Variants in ADGRA3 observed in about 807,000 individuals in gnomAD.
ADGRA3 encodes the protein adhesion G protein-coupled receptor A3, also known as G-protein coupled receptor 125.
ADGRA3 carries 56 observed loss-of-function variants against 119.8 expected under a neutral mutation model. The observed-to-expected ratio is 0.47, with a 90% CI of 0.38 to 0.58. The LOEUF is 0.58. Among genes scored for constraint, ADGRA3 ranks in the 20% least tolerant of loss-of-function variants. The probability of loss-of-function intolerance (pLI) is 0.00; values close to 1 mark genes in which losing one functional copy is unlikely to be tolerated. For missense variants in ADGRA3, 1,516 were observed against 1,649.0 expected (o/e 0.92, Z 1.40); for synonymous variants, 607 against 623.8 (o/e 0.97, Z 0.40).
chr4:22,428,985 CAAG>C (rs1367738246), intron 10 of ADGRA3, among the ~76,000 whole-genome samples: 3 of 151,994 alleles, frequency 2.0e-5, no homozygotes, highest in African/African-American at 7.3e-5. Context: ...GAAAAGAGGT[CAAG>C]AAGATTATTG....
At chr4:22,490,815 C>G (rs1489943989) in intron 1 of ADGRA3, among the ~76,000 whole-genome samples, 1 of 152,194 alleles carries the variant, frequency 6.6e-6, no homozygotes, top group African/African-American at 2.4e-5. Flanking sequence ...TATTTGTTTT[C>G]TATTGCTGTG....
chr4:22,439,959 C>T (rs1297797689), intron 7 of ADGRA3, among the ~76,000 whole-genome samples: 5 of 152,110 alleles, frequency 3.3e-5, no homozygotes, highest in Non-Finnish European at 7.4e-5. Context: ...AAAAAAGTAA[C>T]ACACATAAAT....
chr4:22,420,987 C>A lies in ADGRA3; in HGVS notation c.1708G>T (p.Gly570Ter). ...TCCCGCCTCCCATAATCCGAAAGTC[C>A]TGTACGATCAGAGGCTGCCACTTTC... ...FQKVAASDRT[G>*]LSDYGRRDPE... Residue 570 changes from glycine to a stop codon, truncating the protein, a stop_gained, in exon 12 of 19, where the codon GGA becomes TGA. Coordinates refer to ENST00000334304, the MANE Select transcript of ADGRA3 (RefSeq NM_145290.4). LOFTEE classifies it high-confidence loss of function. The A allele has an allele frequency of 6.2e-7, 1 of 1,614,084 alleles. No homozygotes were observed. Among genetic ancestry groups the A allele is most frequent in the Non-Finnish European group, 8.5e-7 (1 of 1,179,996 alleles).
intron 1 of ADGRA3, chr4:22,514,488 G>C (rs1719568062): frequency 6.6e-6 from 1 of 152,138 alleles, no homozygotes; most frequent in African/African-American, 2.4e-5. Context: ...TGCTGAATTT[G>C]GGTTACATTT....
At chr4:22,409,832 C>T (rs368754025) in intron 14 of ADGRA3, among the ~76,000 whole-genome samples, 11 of 152,106 alleles carry the variant, frequency 7.2e-5, no homozygotes, top group Admixed American at 5.2e-4. Flanking sequence ...TCCATAAACA[C>T]GAGGGTCTCC....
chr4:22,511,189 T>C (rs1232545303), intron 1 of ADGRA3, among the ~76,000 whole-genome samples: 1 of 152,248 alleles, frequency 6.6e-6, no homozygotes, highest in Non-Finnish European at 1.5e-5. Context: ...AGTGATAAAT[T>C]TGTAAAACTT....
At chr4:22,507,918 G>C (rs1719301567) in intron 1 of ADGRA3, among the ~76,000 whole-genome samples, 1 of 152,124 alleles carries the variant, frequency 6.6e-6, no homozygotes, top group Non-Finnish European at 1.5e-5. Context: ...CCACAGCTAT[G>C]AACCTAATAA....
chr4:22,448,685 T>C (rs74768909), intron 4 of ADGRA3, among the ~76,000 whole-genome samples: 5,280 of 152,236 alleles, frequency 0.035, 144 homozygotes, highest in Middle Eastern at 0.054. Context: ...AGACCTGATA[T>C]CACACAATGG....
chr4:22,449,178 G>T (rs1037626953), intron 4 of ADGRA3, among the ~76,000 whole-genome samples: 1 of 151,658 alleles, frequency 6.6e-6, no homozygotes, highest in Non-Finnish European at 1.5e-5. Flanking sequence ...GCTGAGACAC[G>T]AGAATGACTT....
At chr4:22,429,304 TC>T (rs1165908670) in intron 10 of ADGRA3, among the ~76,000 whole-genome samples, 1 of 152,160 alleles carries the variant, frequency 6.6e-6, no homozygotes, top group African/African-American at 2.4e-5. Context: ...TGGAGAACTC[TC>T]CAGCAGAAAG....
At chr4:22,395,552 G>C (rs1714315998) in intron 16 of ADGRA3, among the ~76,000 whole-genome samples, 2 of 152,292 alleles carry the variant, frequency 1.3e-5, no homozygotes, top group Admixed American at 1.3e-4. Context: ...ACCCACTAGA[G>C]ATTACACAGT....
At chr4:22,492,220 G>C (rs763195712) in intron 1 of ADGRA3, among the ~76,000 whole-genome samples, 30 of 151,990 alleles carry the variant, frequency 2.0e-4, no homozygotes, top group Non-Finnish European at 3.4e-4. Flanking sequence ...CCAGCGCTTC[G>C]TCTCCTCCTA....
At chr4:22,413,861 A>G in intron 12 of ADGRA3, 47 bp from the exon 13 acceptor site, 1 of 1,261,030 alleles carries the variant, frequency 7.9e-7, no homozygotes, top group Non-Finnish European at 1.1e-6. Flanking sequence ...ATTAGTACAT[A>G]GAAACCAGAA....
Position 22,462,631 on chromosome 4 carries a change from A to G in ADGRA3, c.330-823T>C, listed in dbSNP as rs934930162. 2.6e-5 allele frequency among the ~76,000 whole-genome samples: 4 copies of G among 152,212 alleles called. No individual in the cohort carries two copies. The East Asian group carries it at 5.8e-4, about 22-fold the overall frequency. ...CACTCAGCCTACGGTTAGGTTTTCT[A>G]TGAGGTGAGGATATAAAATAAATGT... On this transcript the variant is annotated intron_variant, in intron 2 of 18. Transcript: ENST00000334304.
intron 7 of ADGRA3, among the ~76,000 whole-genome samples, chr4:22,441,242 C>T (rs184217149): frequency 1.5e-3 from 225 of 152,238 alleles, no homozygotes; most frequent in African/African-American, 5.2e-3. Flanking sequence ...GCACCAAGAT[C>T]TCTTACTGAT....
chr4:22,422,967 G>A (rs1045290887), intron 11 of ADGRA3, among the ~76,000 whole-genome samples: 3 of 152,030 alleles, frequency 2.0e-5, no homozygotes, highest in East Asian at 1.9e-4. Flanking sequence ...AGGCTGAGGC[G>A]GGTGGATAGC....
intron 1 of ADGRA3, among the ~76,000 whole-genome samples, chr4:22,491,367 T>C (rs1718617460): frequency 6.6e-6 from 1 of 152,240 alleles, no homozygotes; most frequent in African/African-American, 2.4e-5. Flanking sequence ...CACAAGTTTT[T>C]ATTGACAAAA....
At position 22,388,504 on chromosome 4, in the gene ADGRA3, G is replaced by GC; in HGVS notation, c.3166dup (p.Ala1056GlyfsTer25). 1 of 1,614,064 alleles carries GC rather than the reference G, an allele frequency of 6.2e-7. No homozygotes were observed. The highest frequency in any genetic ancestry group is 1.7e-5 in the Admixed American group (1 of 60,022). On this transcript the variant is annotated frameshift_variant, in exon 19 of 19. Transcript: ENST00000334304. LOFTEE classifies it high-confidence loss of function. ...TCCTGGGCAGCAAGTCATGATCCAC[G>GC]CAAGTCTAACATCCTCCCTATTAAC... is the stretch of plus-strand genomic sequence containing the variant.
chr4:22,389,398 GTAAGT>G (rs1410270422), intron 17 of ADGRA3, among the ~76,000 whole-genome samples: 1 of 151,964 alleles, frequency 6.6e-6, no homozygotes, highest in Non-Finnish European at 1.5e-5. Flanking sequence ...ACAAGGTCTA[GTAAGT>G]TTCTGAGTAG....
Sources: gnomAD v4.1 joint callset for allele counts (sites outside exome capture counted in the v4.1 genomes callset) on GRCh38, gnomAD v4.1.1 for gene constraint, MANE v1.5 for transcripts, NCBI Gene and HGNC (gene_info 2026-07-23, HGNC 2026-07-21) for gene names.